The following AGBL3 variants were observed in gnomAD, a reference collection of about 807,000 sequenced individuals.
AGBL3 encodes cytosolic carboxypeptidase 3.
Under a neutral mutation model 94.5 loss-of-function variants are expected in AGBL3, and 68 were observed. The ratio of observed to expected loss-of-function variants is 0.72; its 90% CI spans 0.59 to 0.88. The LOEUF is 0.88. Among genes scored for constraint, AGBL3 ranks in the 40% least tolerant of loss-of-function variants. AGBL3 has a pLI of 0.00. For synonymous variants in AGBL3, 354 were observed against 370.7 expected (o/e 0.95, Z 0.52); for missense variants, 934 against 1,103.8 (o/e 0.85, Z 2.18).
intron 15 of AGBL3, chr7:135,101,255 G>T: frequency 4.4e-6 from 2 of 456,174 alleles, no homozygotes; most frequent in Non-Finnish European, 8.8e-6. Flanking sequence ...CTTGGACTGA[G>T]AAGACAAGGA....
chr7:135,128,654 T>C, intron 16 of AGBL3: 5 of 1,018,394 alleles, frequency 4.9e-6, no homozygotes, highest in East Asian at 4.8e-5. Context: ...TGCAATTTCT[T>C]AAGGAAGAGA....
intron 12 of AGBL3, among the ~76,000 whole-genome samples, chr7:135,071,766 A>G (rs567939631): frequency 6.6e-6 from 1 of 152,232 alleles, no homozygotes; most frequent in Admixed American, 6.5e-5. Flanking sequence ...TTAATTCAAG[A>G]TGGATTAAAG....
intron 4 of AGBL3, among the ~76,000 whole-genome samples, chr7:135,001,315 C>T (rs1811686252): frequency 6.6e-6 from 1 of 152,118 alleles, no homozygotes; most frequent in Non-Finnish European, 1.5e-5. Flanking sequence ...GCTTGTTCTC[C>T]ACCCCCTTTC....
intron 12 of AGBL3, among the ~76,000 whole-genome samples, chr7:135,064,991 G>T (rs1253760679): frequency 6.6e-6 from 1 of 152,110 alleles, no homozygotes; most frequent in African/African-American, 2.4e-5. Flanking sequence ...TTCTTGGTTG[G>T]TTCCATTCTC....
intron 15 of AGBL3, among the ~76,000 whole-genome samples, chr7:135,088,395 G>A (rs1322138768): frequency 6.6e-6 from 1 of 151,758 alleles, no homozygotes; most frequent in Non-Finnish European, 1.5e-5. Context: ...CTCTCTTATT[G>A]TTTATCATTG....
chr7:135,128,960 A>T, intron 16 of AGBL3: 1 of 1,579,996 alleles, frequency 6.3e-7, no homozygotes, highest in South Asian at 1.1e-5. Context: ...TGGGTAGTGA[A>T]TGCATGTACT....
intron 5 of AGBL3, among the ~76,000 whole-genome samples, chr7:135,020,875 C>T: frequency 7.5e-6 from 1 of 132,482 alleles, no homozygotes; most frequent in African/African-American, 2.9e-5. Flanking sequence ...CACTTGGACA[C>T]AGGAAGGGGA....
chr7:135,105,069 A>AG (rs1247047959), intron 15 of AGBL3, among the ~76,000 whole-genome samples: 1 of 67,604 alleles, frequency 1.5e-5, no homozygotes, highest in Non-Finnish European at 2.9e-5. Flanking sequence ...TTTACATTCA[A>AG]GTTTTTTTTT....
At chr7:135,101,335 T>C (rs1048594688) in intron 15 of AGBL3, 1 of 445,922 alleles carries the variant, frequency 2.2e-6, no homozygotes, top group Admixed American at 2.4e-5. Context: ...GTTTTCACTA[T>C]ATCATCATTA....
chr7:135,099,695 A>T (rs1328434453), intron 15 of AGBL3, among the ~76,000 whole-genome samples: 1 of 152,082 alleles, frequency 6.6e-6, no homozygotes, highest in Non-Finnish European at 1.5e-5. Context: ...AACCATTGCT[A>T]ATCAGATGTC....
chr7:135,115,173 C>T (rs1228802439), intron 15 of AGBL3, among the ~76,000 whole-genome samples: 1 of 152,278 alleles, frequency 6.6e-6, no homozygotes, highest in Admixed American at 6.5e-5. Flanking sequence ...CTCTACTCCC[C>T]TCCGCAGCTT....
intron 5 of AGBL3, among the ~76,000 whole-genome samples, chr7:135,022,250 T>G (rs1298498679): frequency 6.6e-6 from 1 of 152,246 alleles, no homozygotes; most frequent in Non-Finnish European, 1.5e-5. Context: ...CACACTTTAT[T>G]CCACAATGGT....
intron 12 of AGBL3, among the ~76,000 whole-genome samples, chr7:135,070,333 C>G (rs979104880): frequency 3.9e-5 from 6 of 152,142 alleles, no homozygotes; most frequent in Non-Finnish European, 7.3e-5. Context: ...TGAAACTATT[C>G]CAATCACTAG....
chr7:135,061,303 G>A (rs1021447420), intron 12 of AGBL3, among the ~76,000 whole-genome samples: 4 of 152,000 alleles, frequency 2.6e-5, no homozygotes, highest in Admixed American at 2.6e-4. Flanking sequence ...TCAGATGTAT[G>A]GTTTGCAAAT....
At chr7:135,109,382 A>G (rs1332213643) in intron 15 of AGBL3, among the ~76,000 whole-genome samples, 2 of 151,296 alleles carry the variant, frequency 1.3e-5, no homozygotes, top group Non-Finnish European at 2.9e-5. Flanking sequence ...TAGAGCTGCT[A>G]TTGGCTCGAT....
At position 135,066,735 on chromosome 7, in the gene AGBL3, T is replaced by C. The variant is rs79034919; in HGVS notation, c.1908+7500T>C. Among the ~76,000 whole-genome samples, 1,498 of 152,200 alleles carry C rather than the reference T, an allele frequency of 9.8e-3. 20 individuals are homozygous for C. The highest frequency in any genetic ancestry group is 0.034 in the African/African-American group (1,413 of 41,518). On this transcript the variant is annotated intron_variant, in intron 12 of 16. Coordinates refer to ENST00000436302, the MANE Select transcript of AGBL3 (RefSeq NM_178563.4). ...AAGTGTCTATCAATGGATGAATGGA[T>C]AAAAAAGATGAGGGGGGATTTTAGA...
At position 135,030,589 on chromosome 7, in the gene AGBL3, T is replaced by C. The variant is rs114638460; in HGVS notation, c.419-2255T>C. ...TTATCCTGCTTGGAGTTTGCTGAAC[T>C]TTTTGGATCCATAGGTTAGTAGGGG... is the stretch of plus-strand genomic sequence containing the variant. On this transcript the variant is annotated intron_variant, in intron 5 of 16. Transcript: ENST00000436302. Among the ~76,000 whole-genome samples, 983 of 152,272 alleles carry C rather than the reference T, an allele frequency of 6.5e-3. 12 individuals are homozygous for C. The highest frequency in any genetic ancestry group is 0.023 in the African/African-American group (938 of 41,554).
intron 15 of AGBL3, chr7:135,094,437 C>T (rs1822337930): frequency 2.2e-6 from 1 of 456,540 alleles, no homozygotes; most frequent in South Asian, 1.5e-5. Context: ...GTGATTTTAA[C>T]AAATTGCCAG....
chr7:135,007,175 G>A (rs1812497290), intron 4 of AGBL3, among the ~76,000 whole-genome samples: 2 of 151,848 alleles, frequency 1.3e-5, no homozygotes, highest in Admixed American at 6.6e-5. Context: ...AGGAAGGAAT[G>A]CTTCCCCATT....
Sources: gnomAD v4.1 joint callset for allele counts (sites outside exome capture counted in the v4.1 genomes callset) on GRCh38, gnomAD v4.1.1 for gene constraint, MANE v1.5 for transcripts, NCBI Gene and HGNC (gene_info 2026-07-23, HGNC 2026-07-21) for gene names.